The following IL1RAPL1 variants were observed in gnomAD, a reference collection of about 807,000 sequenced individuals.
The protein encoded by IL1RAPL1 is interleukin-1 receptor accessory protein-like 1.
A neutral mutation model predicts 48.4 loss-of-function variants in IL1RAPL1; 3 were observed. That is an observed-to-expected ratio of 0.06 (90% confidence interval 0.03 to 0.16). The LOEUF (loss-of-function observed/expected upper bound fraction) is 0.16. Among genes scored for constraint, IL1RAPL1 ranks in the 10% least tolerant of loss-of-function variants. IL1RAPL1 has a pLI of 1.00. For missense variants in IL1RAPL1, 349 were observed against 530.6 expected (o/e 0.66, Z 3.36); for synonymous variants, 185 against 187.7 (o/e 0.99, Z 0.12).
At chrX:29,611,950 C>A (rs1924110038) in intron 5 of IL1RAPL1, among the ~76,000 whole-genome samples, 1 of 111,397 alleles carries the variant, frequency 9.0e-6, no homozygotes, top group Non-Finnish European at 1.9e-5. Context: ...CTTTTCTTCT[C>A]TGCTATACCA....
At position 29,334,918 on chromosome X, in the gene IL1RAPL1, T is replaced by G. The variant is rs12164369; in HGVS notation, c.362+51701T>G. On this transcript the variant is annotated intron_variant, in intron 3 of 10. Coordinates refer to ENST00000378993, the MANE Select transcript of IL1RAPL1 (RefSeq NM_014271.4). ...CAATCTCGGCACTTTGGGGGGCCAA[T>G]GCAGGCGGCTGGGAGGTGGAGGTTG... 1.3e-4 allele frequency among the ~76,000 whole-genome samples: 14 copies of G among 108,636 alleles called. No individual in the cohort carries two copies. In the South Asian group the frequency reaches 2.7e-3, roughly 21 times the overall value. The allele number at this position is 108,636 out of a possible 115,157, so 94.3% of individuals were successfully genotyped here.
chrX:29,282,932 C>A lies in IL1RAPL1; in HGVS notation c.83-6C>A. The A allele has an allele frequency of 8.3e-7, 1 of 1,209,204 alleles. No homozygotes were observed. The highest frequency in any genetic ancestry group is 1.1e-6 in the Non-Finnish European group (1 of 893,788). Reference sequence around the variant, plus strand: ...CTCTCTTTCTCTGTCTCTTTTTTTACGATAGCCGATGGATGCACTGACTGG... The same window carrying A: ...CTCTCTTTCTCTGTCTCTTTTTTTAAGATAGCCGATGGATGCACTGACTGG... On this transcript the variant is annotated splice_region_variant and splice_polypyrimidine_tract_variant and intron_variant, in intron 2 of 10. Coordinates refer to ENST00000378993, the MANE Select transcript of IL1RAPL1 (RefSeq NM_014271.4).
chrX:29,912,363 TTTGAGA>T (rs1203949941), intron 6 of IL1RAPL1, among the ~76,000 whole-genome samples: 1 of 112,002 alleles, frequency 8.9e-6, no homozygotes, highest in Non-Finnish European at 1.9e-5. Flanking sequence ...TATTCATTAA[TTTGAGA>T]TTATGTATTG....
chrX:29,234,452 A>G (rs1350968845), intron 2 of IL1RAPL1, among the ~76,000 whole-genome samples: 5 of 111,571 alleles, frequency 4.5e-5, no homozygotes, highest in Admixed American at 9.6e-5. Context: ...CTCCCTTATA[A>G]ACAGACTATA....
At chrX:29,572,245 T>C (rs1157430904) in intron 5 of IL1RAPL1, among the ~76,000 whole-genome samples, 1 of 112,386 alleles carries the variant, frequency 8.9e-6, no homozygotes, top group Non-Finnish European at 1.9e-5. Context: ...TTAAAGCATA[T>C]AATCATTCAA....
At chrX:29,103,333 C>T (rs1379011695) in intron 2 of IL1RAPL1, among the ~76,000 whole-genome samples, 1 of 111,784 alleles carries the variant, frequency 8.9e-6, no homozygotes, top group Non-Finnish European at 1.9e-5. Flanking sequence ...CTACAGTGAA[C>T]TTATCTTCCA....
intron 6 of IL1RAPL1, among the ~76,000 whole-genome samples, chrX:29,725,515 A>G (rs1927752776): frequency 9.0e-6 from 1 of 111,113 alleles, no homozygotes; most frequent in African/African-American, 3.3e-5. Context: ...AGTGCCCAAT[A>G]TCATTCTCTG....
intron 2 of IL1RAPL1, among the ~76,000 whole-genome samples, chrX:28,877,031 T>G (rs1009873200): frequency 8.9e-6 from 1 of 111,959 alleles, no homozygotes; most frequent in African/African-American, 3.2e-5. Flanking sequence ...AAAAAGGCTT[T>G]GTAGCCTTAC....
At chrX:28,768,715 C>CTG (rs1290284165) in intron 1 of IL1RAPL1, among the ~76,000 whole-genome samples, 1,950 of 63,975 alleles carry the variant, frequency 0.03, 81 homozygotes, top group East Asian at 0.041. Context: ...CTCTCTCTCT[C>CTG]TCTCTCTCTC....
At chrX:29,758,706 A>AAT (rs1555917370) in intron 6 of IL1RAPL1, among the ~76,000 whole-genome samples, 8 of 107,125 alleles carry the variant, frequency 7.5e-5, no homozygotes, top group African/African-American at 1.4e-4. Context: ...AAAAAAAAAA[A>AAT]AATAATAATA....
intron 5 of IL1RAPL1, among the ~76,000 whole-genome samples, chrX:29,426,339 A>G (rs1472558294): frequency 2.7e-5 from 3 of 111,661 alleles, no homozygotes; most frequent in Non-Finnish European, 5.6e-5. Context: ...CCTCCCAGGA[A>G]CCTATTAGTA....
intron 2 of IL1RAPL1, among the ~76,000 whole-genome samples, chrX:29,105,481 G>A (rs770329045): frequency 4.6e-4 from 52 of 112,031 alleles, no homozygotes; most frequent in African/African-American, 1.6e-3. Context: ...ATACTCATAG[G>A]TGTTTCTGCT....
intron 3 of IL1RAPL1, among the ~76,000 whole-genome samples, chrX:29,361,257 G>A (rs1933371841): frequency 9.0e-6 from 1 of 111,288 alleles, no homozygotes; most frequent in Non-Finnish European, 1.9e-5. Context: ...ATGTTAGCAG[G>A]TCAATTGGAG....
intron 8 of IL1RAPL1, among the ~76,000 whole-genome samples, chrX:29,920,990 A>G (rs986697175): frequency 7.2e-5 from 8 of 110,767 alleles, no homozygotes; most frequent in Non-Finnish European, 1.1e-4. Context: ...CATTTGTACA[A>G]TAGTCTCCAA....
chrX:29,800,517 T>C (rs761042994), intron 6 of IL1RAPL1, among the ~76,000 whole-genome samples: 213 of 100,490 alleles, frequency 2.1e-3, no homozygotes, highest in African/African-American at 7.2e-3. Context: ...CACACACACA[T>C]GCAGACACAC....
chrX:29,215,704 A>G (rs182509454), intron 2 of IL1RAPL1, among the ~76,000 whole-genome samples: 63 of 111,936 alleles, frequency 5.6e-4, no homozygotes, highest in Admixed American at 2.6e-3. Flanking sequence ...TTTAACCATG[A>G]TTTCTTGAGG....
At chrX:29,839,345 A>C (rs1443334567) in intron 6 of IL1RAPL1, among the ~76,000 whole-genome samples, 1 of 112,075 alleles carries the variant, frequency 8.9e-6, no homozygotes, top group Non-Finnish European at 1.9e-5. Flanking sequence ...TTTCTCTGAC[A>C]GATATTTATG....
intron 5 of IL1RAPL1, among the ~76,000 whole-genome samples, chrX:29,424,038 G>A (rs1934322165): frequency 9.0e-6 from 1 of 111,517 alleles, no homozygotes; most frequent in Admixed American, 9.6e-5. Context: ...GCACACAATA[G>A]GGTGCAAGAT....
intron 6 of IL1RAPL1, among the ~76,000 whole-genome samples, chrX:29,831,207 C>A (rs1930867722): frequency 1.8e-5 from 2 of 111,333 alleles, no homozygotes. Flanking sequence ...AAACCAGACA[C>A]AATGAAAGGG....
Sources: gnomAD v4.1 joint callset for allele counts (sites outside exome capture counted in the v4.1 genomes callset) on GRCh38, gnomAD v4.1.1 for gene constraint, MANE v1.5 for transcripts, NCBI Gene and HGNC (gene_info 2026-07-23, HGNC 2026-07-21) for gene names.